DOCK7: variants seen among roughly 807,000 people sequenced by gnomAD.
DOCK7 encodes the protein dedicator of cytokinesis protein 7.
In DOCK7, 138 loss-of-function variants were observed where a neutral mutation model predicts 271.0. The ratio of observed to expected loss-of-function variants is 0.51; its 90% CI spans 0.44 to 0.59. DOCK7 has a LOEUF of 0.59. Ranked by LOEUF, DOCK7 falls within the 20% of genes least tolerant of loss-of-function variation. The probability of loss-of-function intolerance (pLI) is 0.00; values close to 1 mark genes in which losing one functional copy is unlikely to be tolerated. For synonymous variants in DOCK7, 823 were observed against 876.1 expected (o/e 0.94, Z 1.07); for missense variants, 2,066 against 2,592.4 (o/e 0.80, Z 4.41).
At chr1:62,465,795 C>T (rs1645659932) in intron 48 of DOCK7, among the ~76,000 whole-genome samples, 1 of 152,184 alleles carries the variant, frequency 6.6e-6, no homozygotes, top group South Asian at 2.1e-4. Context: ...CATGATCCAC[C>T]TGTCTTGGCC....
intron 7 of DOCK7, among the ~76,000 whole-genome samples, chr1:62,638,904 C>T (rs1035169924): frequency 6.6e-6 from 1 of 151,576 alleles, no homozygotes; most frequent in Non-Finnish European, 1.5e-5. Flanking sequence ...CATGTAGGTC[C>T]TTTTTTAGCT....
intron 23 of DOCK7, among the ~76,000 whole-genome samples, 173 bp from the exon 24 acceptor site, chr1:62,543,918 A>G (rs773040538): frequency 1.6e-4 from 25 of 152,322 alleles, no homozygotes; most frequent in African/African-American, 5.3e-4. Context: ...ATGACAATGC[A>G]TAAGTAGTAT....
intron 8 of DOCK7, 121 bp from the exon 9 acceptor site, chr1:62,635,043 T>G: frequency 2.0e-6 from 1 of 512,246 alleles, no homozygotes; most frequent in Non-Finnish European, 3.4e-6. Flanking sequence ...TAATCTGTTT[T>G]CAATTACAGT....
At chr1:62,584,427 A>G (rs549385820) in intron 15 of DOCK7, 1 of 991,172 alleles carries the variant, frequency 1.0e-6, no homozygotes, top group African/African-American at 1.7e-5. Context: ...AAAGGCAAAC[A>G]CAGTATGTCT....
At chr1:62,481,804 GTCTT>G (rs1646134955) in intron 43 of DOCK7, 1 of 152,106 alleles carries the variant, frequency 6.6e-6, no homozygotes, top group Non-Finnish European at 1.5e-5. Context: ...TAGTTTTGTT[GTCTT>G]TATTTAGCAA....
At chr1:62,638,566 AATAT>A (rs1043349816) in intron 7 of DOCK7, among the ~76,000 whole-genome samples, 101 of 146,428 alleles carry the variant, frequency 6.9e-4, no homozygotes, top group African/African-American at 2.5e-3. Context: ...TTTTTTCATG[AATAT>A]ATATTTTCAT....
chr1:62,554,722 A>G (rs1391865687), intron 21 of DOCK7, among the ~76,000 whole-genome samples: 2 of 152,172 alleles, frequency 1.3e-5, no homozygotes, highest in Non-Finnish European at 2.9e-5. Context: ...AATCTGTGGA[A>G]TTCTAATAGT....
At position 62,636,533 on chromosome 1, in the gene DOCK7, T is replaced by C. The variant is rs1397292346; in HGVS notation, c.885+4A>G. On this transcript the variant is annotated splice_donor_region_variant and intron_variant, in intron 8 of 49. Coordinates refer to ENST00000635253, the MANE Select transcript of DOCK7 (RefSeq NM_001367561.1). ...ATAACTATGGTCAAATTATATAATCTTACCTTTTTCTTTTCCTTGACATCA... is the reference window on the plus strand; with the variant it reads ...ATAACTATGGTCAAATTATATAATCCTACCTTTTTCTTTTCCTTGACATCA... 3.1e-6 allele frequency: 5 copies of C among 1,592,636 alleles called. No individual in the cohort carries two copies. The South Asian group carries it at 4.6e-5, about 15-fold the overall frequency.
At chr1:62,665,837 A>C (rs1300407981) in intron 1 of DOCK7, among the ~76,000 whole-genome samples, 4 of 151,882 alleles carry the variant, frequency 2.6e-5, no homozygotes, top group African/African-American at 9.7e-5. Flanking sequence ...TCATGAGTAA[A>C]CTGAATAGTA....
intron 37 of DOCK7, among the ~76,000 whole-genome samples, chr1:62,503,829 C>T (rs1052543027): frequency 3.3e-5 from 5 of 151,994 alleles, no homozygotes; most frequent in South Asian, 2.1e-4. Context: ...AGGCGGATCA[C>T]GAGGTCAGGA....
At chr1:62,542,560 G>A in intron 25 of DOCK7, 48 bp downstream of exon 25, 1 of 1,542,694 alleles carries the variant, frequency 6.5e-7, no homozygotes, top group East Asian at 2.3e-5. Context: ...GCATAAAATT[G>A]TTCACTAAGA....
chr1:62,637,938 C>T (rs1216300542), intron 7 of DOCK7, among the ~76,000 whole-genome samples: 1 of 152,182 alleles, frequency 6.6e-6, no homozygotes, highest in Non-Finnish European at 1.5e-5. Context: ...CTGATACATC[C>T]CTTAGTAAAA....
intron 2 of DOCK7, among the ~76,000 whole-genome samples, chr1:62,660,967 C>T (rs1374285182): frequency 1.3e-5 from 2 of 151,946 alleles, no homozygotes. Flanking sequence ...GGCATGATGG[C>T]ATGCGCATGT....
chr1:62,669,219 G>A (rs959851865), intron 1 of DOCK7, among the ~76,000 whole-genome samples: 7 of 152,210 alleles, frequency 4.6e-5, no homozygotes, highest in African/African-American at 1.4e-4. Context: ...GCTTTCTCTT[G>A]TTGAATAAGA....
chr1:62,498,080 A>ATT (rs5774605), intron 37 of DOCK7, among the ~76,000 whole-genome samples: 57 of 149,200 alleles, frequency 3.8e-4, no homozygotes, highest in South Asian at 1.1e-3. Flanking sequence ...TGTCTACGAA[A>ATT]TTTTTTTTTT....
chr1:62,548,012 C>T (rs760119083), intron 22 of DOCK7, among the ~76,000 whole-genome samples: 17 of 152,134 alleles, frequency 1.1e-4, no homozygotes, highest in South Asian at 2.1e-4. Context: ...TCTAGTCCTG[C>T]GGTGTTAACT....
rs553183342 is a variant in DOCK7 at position 62,471,853 on chromosome 1, TTATAAG to T, written c.6212+2123_6212+2128del. On this transcript the variant is annotated intron_variant, in intron 48 of 49. Transcript: ENST00000635253. ...CTAATTGAAAAATAAGAATTTAAGA[TTATAAG>T]TATATTATGACTACAGTATATTAAT... Among the ~76,000 whole-genome samples, 488 of 152,280 alleles carry T rather than the reference TTATAAG, an allele frequency of 3.2e-3. 4 individuals are homozygous for T. Among genetic ancestry groups the T allele is most frequent in the African/African-American group, 0.011 (473 of 41,554 alleles).
At chr1:62,509,831 T>C (rs866814882) in intron 34 of DOCK7, among the ~76,000 whole-genome samples, 2 of 152,118 alleles carry the variant, frequency 1.3e-5, no homozygotes, top group African/African-American at 2.4e-5. Context: ...GGGCTGATGA[T>C]GGTTCTCAGA....
At chr1:62,496,966 C>T (rs907426923) in intron 37 of DOCK7, among the ~76,000 whole-genome samples, 4 of 152,114 alleles carry the variant, frequency 2.6e-5, no homozygotes, top group African/African-American at 9.7e-5. Context: ...ATGCCTTTAA[C>T]AGTTTATAAC....
Sources: gnomAD v4.1 joint callset for allele counts (sites outside exome capture counted in the v4.1 genomes callset) on GRCh38, gnomAD v4.1.1 for gene constraint, MANE v1.5 for transcripts, NCBI Gene and HGNC (gene_info 2026-07-23, HGNC 2026-07-21) for gene names.